The following IL15 variants were observed in gnomAD, a reference collection of about 807,000 sequenced individuals.
IL15 encodes the protein interleukin-15.
IL15 carries 11 observed loss-of-function variants against 19.6 expected under a neutral mutation model. The ratio of observed to expected loss-of-function variants is 0.56; its 90% CI spans 0.35 to 0.93. The LOEUF is 0.93. Among genes scored for constraint, IL15 ranks in the 40% least tolerant of loss-of-function variants. The probability of loss-of-function intolerance (pLI) is 0.01; values close to 1 mark genes in which losing one functional copy is unlikely to be tolerated. For synonymous variants in IL15, 58 were observed against 59.6 expected (o/e 0.97, Z 0.12); for missense variants, 197 against 186.5 (o/e 1.06, Z -0.33).
chr4:141,683,277 C>CA (rs1301016735), intron 2 of IL15, among the ~76,000 whole-genome samples: 3 of 146,136 alleles, frequency 2.1e-5, no homozygotes, highest in Non-Finnish European at 4.5e-5. Flanking sequence ...CAAAAACAAA[C>CA]AAAAAACAAT....
rs542698421 is a variant in IL15 at position 141,723,933 on chromosome 4, A to G, written c.195+1925A>G. Reference sequence around the variant, plus strand: ...TGCCTCCTCCTCAGTAACTAATGGAAGTACTAGACAGAAAATCAGAAAGGG... The same window carrying G: ...TGCCTCCTCCTCAGTAACTAATGGAGGTACTAGACAGAAAATCAGAAAGGG... On this transcript the variant is annotated intron_variant, in intron 5 of 7. Coordinates refer to ENST00000320650, the MANE Select transcript of IL15 (RefSeq NM_000585.5). Among the ~76,000 whole-genome samples, 8 of 152,278 alleles carry G rather than the reference A, an allele frequency of 5.3e-5. No individual in the cohort carries two copies. The East Asian group carries it at 1.5e-3, about 29-fold the overall frequency.
At position 141,693,016 on chromosome 4, in the gene IL15, CAAAAAAAA is replaced by C. The variant is rs70949131; in HGVS notation, c.-99-26331_-99-26324del. The stretch of plus-strand genomic sequence containing the variant: ...AGGGGAACAGAGCAAGACTCCGTCT[CAAAAAAAA>C]AAAAAAAAAAAAAAAAAAGATACTA... On this transcript the variant is annotated intron_variant, in intron 2 of 7. Transcript: ENST00000320650. Among the ~76,000 whole-genome samples the C allele has an allele frequency of 1.4e-3, 32 of 23,244 alleles. 1 individual carries two copies. The highest frequency in any genetic ancestry group is 0.013 in the South Asian group (4 of 302). The allele number at this position is 23,244 out of a possible 152,430, so 15.2% of individuals were successfully genotyped here. A position where few individuals can be genotyped will look rare whatever the true frequency, so the allele number is the denominator to read the frequency against.
chr4:141,709,775 A>T (rs1729651681), intron 2 of IL15, among the ~76,000 whole-genome samples: 2 of 152,078 alleles, frequency 1.3e-5, no homozygotes. Flanking sequence ...TTATTTTCTC[A>T]ACTTTTATTT....
At chr4:141,721,900 T>C in intron 4 of IL15, 24 bp from the exon 5 acceptor site, 1 of 1,557,032 alleles carries the variant, frequency 6.4e-7, no homozygotes, top group Non-Finnish European at 8.7e-7. Context: ...TTCAAAATGC[T>C]TTGCTCTATG....
intron 2 of IL15, among the ~76,000 whole-genome samples, chr4:141,660,424 A>G (rs1727747627): frequency 6.6e-6 from 1 of 152,160 alleles, no homozygotes; most frequent in African/African-American, 2.4e-5. Flanking sequence ...ATTTAGTTAA[A>G]GCTTTTAATT....
chr4:141,668,752 A>T (rs1171380117), intron 2 of IL15, among the ~76,000 whole-genome samples: 1 of 152,194 alleles, frequency 6.6e-6, no homozygotes, highest in African/African-American at 2.4e-5. Context: ...CTCCATTGAC[A>T]AATCATATTT....
intron 2 of IL15, among the ~76,000 whole-genome samples, chr4:141,689,509 C>G (rs1008037649): frequency 1.2e-4 from 19 of 152,138 alleles, no homozygotes; most frequent in Non-Finnish European, 2.1e-4. Flanking sequence ...GAGCTAGGCA[C>G]AGGGTGCTGA....
At chr4:141,709,545 GGAA>G (rs1276592897) in intron 2 of IL15, among the ~76,000 whole-genome samples, 8 of 151,960 alleles carry the variant, frequency 5.3e-5, no homozygotes, top group African/African-American at 1.9e-4. Flanking sequence ...ACAAAAATTG[GGAA>G]ATGCTACAAA....
At chr4:141,718,628 C>A (rs1392733742) in intron 2 of IL15, 1 of 152,000 alleles carries the variant, frequency 6.6e-6, no homozygotes, top group East Asian at 1.9e-4. Flanking sequence ...TTTAAAGCAG[C>A]CATTTTTTAT....
chr4:141,693,849 T>C (rs1364194726), intron 2 of IL15, among the ~76,000 whole-genome samples: 1 of 152,120 alleles, frequency 6.6e-6, no homozygotes, highest in Non-Finnish European at 1.5e-5. Flanking sequence ...TATAGACTAT[T>C]TTTAAGAGTT....
At chr4:141,719,593 A>G in intron 3 of IL15, 117 bp downstream of exon 3, 1 of 755,638 alleles carries the variant, frequency 1.3e-6, no homozygotes, top group Non-Finnish European at 2.1e-6. Context: ...GATATCACAG[A>G]TGTCTGTTCA....
intron 1 of IL15, among the ~76,000 whole-genome samples, chr4:141,639,129 G>A (rs1347866996): frequency 2.0e-5 from 3 of 152,092 alleles, no homozygotes; most frequent in African/African-American, 7.2e-5. Flanking sequence ...TATGTGGTAG[G>A]CAATATATTT....
At chr4:141,651,772 A>C (rs1727415836) in intron 1 of IL15, among the ~76,000 whole-genome samples, 1 of 152,070 alleles carries the variant, frequency 6.6e-6, no homozygotes, top group Non-Finnish European at 1.5e-5. Context: ...TAATTTTATG[A>C]ATAATTTGGT....
At chr4:141,643,301 C>T (rs900744139) in intron 1 of IL15, among the ~76,000 whole-genome samples, 3 of 152,192 alleles carry the variant, frequency 2.0e-5, no homozygotes, top group Non-Finnish European at 4.4e-5. Context: ...ATGTTTTTCT[C>T]CTCATGTTTC....
chr4:141,707,952 G>A (rs1729579817), intron 2 of IL15, among the ~76,000 whole-genome samples: 1 of 152,220 alleles, frequency 6.6e-6, no homozygotes, highest in African/African-American at 2.4e-5. Flanking sequence ...GCAATGCCAA[G>A]CATCCCTGTG....
chr4:141,707,564 T>C (rs780727104), intron 2 of IL15, among the ~76,000 whole-genome samples: 2 of 152,198 alleles, frequency 1.3e-5, no homozygotes, highest in Admixed American at 6.5e-5. Context: ...ACATTTCCTG[T>C]AGATAAATCC....
chr4:141,703,922 C>T (rs929783391), intron 2 of IL15, among the ~76,000 whole-genome samples: 13 of 152,074 alleles, frequency 8.5e-5, no homozygotes, highest in Admixed American at 7.9e-4. Flanking sequence ...TTCTGTCCTG[C>T]AACTTTACTG....
intron 2 of IL15, among the ~76,000 whole-genome samples, chr4:141,698,197 A>C (rs183105407): frequency 1.4e-3 from 220 of 152,190 alleles, no homozygotes; most frequent in African/African-American, 5.0e-3. Context: ...TCACTTGATC[A>C]TGATGTATTA....
chr4:141,726,761 A>G (rs901005920), intron 5 of IL15, among the ~76,000 whole-genome samples: 1 of 152,172 alleles, frequency 6.6e-6, no homozygotes, highest in Non-Finnish European at 1.5e-5. Context: ...AAAGGAACAA[A>G]CTAGTGATAC....
Sources: gnomAD v4.1 joint callset for allele counts (sites outside exome capture counted in the v4.1 genomes callset) on GRCh38, gnomAD v4.1.1 for gene constraint, MANE v1.5 for transcripts, NCBI Gene and HGNC (gene_info 2026-07-23, HGNC 2026-07-21) for gene names.